MTERF4: variants seen among roughly 807,000 people sequenced by gnomAD.
The protein encoded by MTERF4 is transcription termination factor 4, mitochondrial.
MTERF4 carries 17 observed loss-of-function variants against 22.5 expected under a neutral mutation model. The observed-to-expected ratio is 0.75, with a 90% CI of 0.52 to 1.13. The LOEUF (loss-of-function observed/expected upper bound fraction) is 1.13, where lower values mean the gene tolerates loss of function less well. MTERF4 is among the 50% of genes most tolerant of loss of function. The pLI, the probability that MTERF4 is intolerant of heterozygous loss-of-function variation, is 0.00. For missense variants in MTERF4, 420 were observed against 466.8 expected, an observed-to-expected ratio of 0.90 and a Z score of 0.92; for synonymous variants, 165 against 175.3, an observed-to-expected ratio of 0.94 and a Z score of 0.47.
At chr2:241,052,297 C>A in the MTERF4 span, 1 of 1,491,344 alleles carries the variant, frequency 6.7e-7, no homozygotes, top group Non-Finnish European at 9.2e-7. Flanking sequence ...GGATGCCCCA[C>A]ACAGTCCCGA....
chr2:241,047,753 C>G, the MTERF4 span, among the ~76,000 whole-genome samples: 1 of 152,162 alleles, frequency 6.6e-6, no homozygotes, highest in Non-Finnish European at 1.5e-5. Flanking sequence ...GGTGGCTTCT[C>G]TGGTGCTTCT....
chr2:241,062,661 G>C, the MTERF4 span: 2 of 717,164 alleles, frequency 2.8e-6, no homozygotes, highest in African/African-American at 3.5e-5. Context: ...TCCAGCCCTG[G>C]TCTCTGGCCT....
At chr2:241,050,284 G>A in the MTERF4 span, among the ~76,000 whole-genome samples, 1 of 152,104 alleles carries the variant, frequency 6.6e-6, no homozygotes, top group Non-Finnish European at 1.5e-5. Context: ...GGAAAATGTC[G>A]AATTTTATTA....
chr2:241,055,188 CAAG>C, the MTERF4 span, among the ~76,000 whole-genome samples: 1 of 151,648 alleles, frequency 6.6e-6, no homozygotes, highest in Non-Finnish European at 1.5e-5. Flanking sequence ...AATCGGAGCC[CAAG>C]AAGAAGAGAA....
At chr2:241,087,400 G>T (rs765274068), downstream of MTERF4, 1 of 1,598,546 alleles carries the variant, frequency 6.3e-7, no homozygotes, top group East Asian at 2.3e-5. Context: ...AGGTATAAAA[G>T]AGTCTACCGA....
downstream of MTERF4, among the ~76,000 whole-genome samples, chr2:241,082,733 G>T (rs1320964713): frequency 1.3e-5 from 2 of 152,226 alleles, no homozygotes; most frequent in African/African-American, 4.8e-5. Flanking sequence ...CAGCTCATGA[G>T]AATGCCGGCC....
At chr2:241,089,138 G>A, downstream of MTERF4, 1 of 648,814 alleles carries the variant, frequency 1.5e-6, no homozygotes, top group South Asian at 2.2e-5. Context: ...CAAGAGACTG[G>A]GATATACCAT....
downstream of MTERF4, among the ~76,000 whole-genome samples, chr2:241,086,032 T>A (rs1327032323): frequency 6.6e-6 from 1 of 152,092 alleles, no homozygotes; most frequent in Non-Finnish European, 1.5e-5. Flanking sequence ...CATGCCCAGC[T>A]AATTTTTGTA....
chr2:241,095,854 G>C lies in MTERF4; in HGVS notation c.*144C>G. On this transcript the variant is annotated 3_prime_UTR_variant, in exon 4 of 4. Coordinates refer to ENST00000391980, the MANE Select transcript of MTERF4 (RefSeq NM_182501.4). ...GGTTTGATCTGTCTGCCTCTCAGGT[G>C]ACTTATAATTTTTTTCATCAAGAGA... 1 of 1,438,616 alleles carries C rather than the reference G, an allele frequency of 7.0e-7. No individual in the cohort carries two copies. The allele number at this position is 1,438,616 out of a possible 1,614,324, so 89.1% of individuals were successfully genotyped here.
rs963405828 is a variant in MTERF4 at position 241,099,295 on chromosome 2, G to A, written c.520+101C>T. The A allele has an allele frequency of 1.4e-4, 186 of 1,330,952 alleles. 1 individual carries two copies. The highest frequency in any genetic ancestry group is 1.8e-4 in the Non-Finnish European group (179 of 975,194). The allele number at this position is 1,330,952 out of a possible 1,614,324, so 82.4% of individuals were successfully genotyped here. ...TCACCATGTTGGCCAGGCTGATCTT[G>A]AACCCCTGACCTCAAGTGATCTGCC... On this transcript the variant is annotated intron_variant, in intron 2 of 3. Coordinates refer to ENST00000391980, the MANE Select transcript of MTERF4 (RefSeq NM_182501.4).
the MTERF4 span, chr2:241,065,651 G>T: frequency 6.8e-7 from 1 of 1,476,742 alleles, no homozygotes; most frequent in Non-Finnish European, 9.3e-7. Flanking sequence ...CGAGGGCAGC[G>T]CTGGCCCCGG....
chr2:241,090,226 T>G (rs773175925), downstream of MTERF4: 14 of 1,489,970 alleles, frequency 9.4e-6, no homozygotes, highest in Non-Finnish European at 1.3e-5. Flanking sequence ...TTTTTACTAT[T>G]TAACTTTTGT....
At chr2:241,061,776 T>A in the MTERF4 span, among the ~76,000 whole-genome samples, 1 of 150,094 alleles carries the variant, frequency 6.7e-6, no homozygotes, top group African/African-American at 2.5e-5. Context: ...TCCCAGCTAC[T>A]CGGGAGGCGG....
chr2:241,048,818 G>A, the MTERF4 span: 13 of 1,458,922 alleles, frequency 8.9e-6, no homozygotes, highest in East Asian at 7.1e-5. Flanking sequence ...CCTCATAATC[G>A]GGAAATGAAT....
chr2:241,078,180 C>G (rs1489554686), intron 4 of MTERF4, among the ~76,000 whole-genome samples: 1 of 149,692 alleles, frequency 6.7e-6, no homozygotes, highest in South Asian at 2.1e-4. Context: ...GTCAGGCGTT[C>G]GAGACAAGTC....
chr2:241,085,860 CTTTTTTTTTTTTTT>C (rs772995766), downstream of MTERF4, among the ~76,000 whole-genome samples: 1 of 79,160 alleles, frequency 1.3e-5, no homozygotes, highest in South Asian at 4.7e-4. Context: ...TCTGCGGTTT[CTTTTTTTTTTTTTT>C]TTTTTTTTTT....
At chr2:241,069,038 G>A (rs559224520), downstream of MTERF4, 9 of 1,520,976 alleles carry the variant, frequency 5.9e-6, no homozygotes, top group Middle Eastern at 5.2e-4. This position sits in a 1 kb window ranked among gnomAD's most constrained non-coding sequence, Gnocchi z 4.9. Context: ...GTAGAGCAGC[G>A]CGGCCCCCGG....
the MTERF4 span, among the ~76,000 whole-genome samples, chr2:241,057,412 T>TATATATATATATATATATATATATGC: frequency 1.5e-5 from 2 of 129,380 alleles, no homozygotes; most frequent in African/African-American, 5.9e-5. Context: ...TATATATATA[T>TATATATATATATATATATATATATGC]GCCATACGCA....
At chr2:241,088,936 C>G (rs1196234993), downstream of MTERF4, 1 of 214,616 alleles carries the variant, frequency 4.7e-6, no homozygotes, top group Non-Finnish European at 9.2e-6. Flanking sequence ...TGTTGAAGAC[C>G]GCCGCTAGAA....
Sources: gnomAD v4.1 joint callset for allele counts (sites outside exome capture counted in the v4.1 genomes callset) on GRCh38, gnomAD v4.1.1 for gene constraint, Gnocchi (gnomAD v3.1) non-coding constraint, MANE v1.5 for transcripts, NCBI Gene and HGNC (gene_info 2026-07-23, HGNC 2026-07-21) for gene names.